Variants in METTL8 observed in about 807,000 individuals in gnomAD.
METTL8 encodes the protein methyltransferase 8, tRNA N3-cytidine, also known as tRNA N(3)-cytidine methyltransferase METTL8, mitochondrial.
In METTL8, 32 loss-of-function variants were observed where a neutral mutation model predicts 48.7. The ratio of observed to expected loss-of-function variants is 0.66; its 90% CI spans 0.50 to 0.88. The LOEUF (loss-of-function observed/expected upper bound fraction) is 0.88. Ranked by LOEUF, METTL8 falls within the 40% of genes least tolerant of loss-of-function variation. The pLI is 0.00. For missense variants in METTL8, 464 were observed against 474.4 expected, an observed-to-expected ratio of 0.98 and a Z score of 0.20; for synonymous variants, 136 against 157.1, an observed-to-expected ratio of 0.87 and a Z score of 1.01.
At chr2:171,324,801 C>G (rs1158548422) in intron 9 of METTL8, among the ~76,000 whole-genome samples, 1 of 152,166 alleles carries the variant, frequency 6.6e-6, no homozygotes, top group Non-Finnish European at 1.5e-5. Flanking sequence ...GTGGCTCACG[C>G]CTGTAATCCC....
chr2:171,363,496 A>C (rs925706059), intron 2 of METTL8, among the ~76,000 whole-genome samples: 3 of 152,018 alleles, frequency 2.0e-5, no homozygotes, highest in African/African-American at 7.2e-5. Flanking sequence ...CAAAGGAAAA[A>C]AGTGGTTTAT....
chr2:171,398,556 C>T (rs138301189), intron 1 of METTL8, among the ~76,000 whole-genome samples: 5 of 151,902 alleles, frequency 3.3e-5, no homozygotes, highest in South Asian at 2.1e-4. Context: ...CGAGAGGAAA[C>T]GGGGAGACGT....
At chr2:171,380,048 C>T (rs542432062) in intron 2 of METTL8, among the ~76,000 whole-genome samples, 1 of 152,272 alleles carries the variant, frequency 6.6e-6, no homozygotes, top group Admixed American at 6.5e-5. Flanking sequence ...AAAGCTTATC[C>T]ACCAATCAAC....
At chr2:171,357,008 G>C (rs1559102120) in intron 3 of METTL8, among the ~76,000 whole-genome samples, 1 of 123,426 alleles carries the variant, frequency 8.1e-6, no homozygotes, top group Non-Finnish European at 1.6e-5. Flanking sequence ...CTGCAGTGCA[G>C]TGGTGCAAAA....
chr2:171,419,059 A>G (rs10202883), intron 1 of METTL8, among the ~76,000 whole-genome samples: 8,502 of 150,696 alleles, frequency 0.056, 266 homozygotes, highest in African/African-American at 0.073. Context: ...TGGCTCCTAT[A>G]TTCCTTTTGA....
intron 2 of METTL8, 90 bp downstream of exon 2, chr2:171,391,953 T>C: frequency 7.3e-7 from 1 of 1,362,584 alleles, no homozygotes; most frequent in Non-Finnish European, 9.9e-7. Flanking sequence ...TCATCAGCTT[T>C]AAAAACCCTT....
intron 1 of METTL8, among the ~76,000 whole-genome samples, chr2:171,393,307 C>T (rs1310886352): frequency 6.7e-6 from 1 of 148,974 alleles, no homozygotes; most frequent in Non-Finnish European, 1.5e-5. Context: ...GTTCCAGCTA[C>T]ACGAGAGGCC....
At chr2:171,350,323 C>T (rs937769510) in intron 3 of METTL8, among the ~76,000 whole-genome samples, 5 of 152,124 alleles carry the variant, frequency 3.3e-5, no homozygotes, top group East Asian at 3.8e-4. Flanking sequence ...TAGTATTCCA[C>T]GGTGTATATG....
chr2:171,342,787 T>C (rs1255744804), intron 3 of METTL8, among the ~76,000 whole-genome samples: 1 of 152,188 alleles, frequency 6.6e-6, no homozygotes, highest in Non-Finnish European at 1.5e-5. Context: ...AACTAGAATG[T>C]ACTGTAATAC....
rs1178006 is a variant in METTL8 at position 171,392,950 on chromosome 2, A to G, written c.-12-753T>C. ...CATCTTTACTAAAAATACAAAAAAA[A>G]AAAAAATTATCCAGGAGTGATGTGA... On this transcript the variant is annotated intron_variant, in intron 1 of 9. Transcript: ENST00000375258. 3.1e-3 allele frequency among the ~76,000 whole-genome samples: 473 copies of G among 151,698 alleles called. 4 individuals carry two copies. Among genetic ancestry groups the G allele is most frequent in the African/African-American group, 0.011 (463 of 41,332 alleles).
At chr2:171,357,218 CA>C (rs942863970) in intron 3 of METTL8, among the ~76,000 whole-genome samples, 1 of 152,076 alleles carries the variant, frequency 6.6e-6, no homozygotes, top group African/African-American at 2.4e-5. Flanking sequence ...CCTGGCCCCC[CA>C]AAGTTCTGGG....
chr2:171,386,068 T>C (rs556747701), intron 2 of METTL8, among the ~76,000 whole-genome samples: 1 of 152,300 alleles, frequency 6.6e-6, no homozygotes, highest in Non-Finnish European at 1.5e-5. Flanking sequence ...CCCGTGTGTT[T>C]GAGGAGTGCT....
chr2:171,398,138 C>G (rs751033433), intron 1 of METTL8, among the ~76,000 whole-genome samples: 49 of 152,166 alleles, frequency 3.2e-4, no homozygotes, highest in Non-Finnish European at 1.2e-4. Flanking sequence ...AATTCTACTT[C>G]TGGGTATATA....
chr2:171,358,148 C>CA (rs1360122535), intron 3 of METTL8, among the ~76,000 whole-genome samples: 1 of 151,984 alleles, frequency 6.6e-6, no homozygotes, highest in East Asian at 1.9e-4. Flanking sequence ...GTCAAGAGTT[C>CA]AAGACCAGCT....
At chr2:171,430,641 C>T (rs1040743008) in intron 1 of METTL8, among the ~76,000 whole-genome samples, 2 of 152,214 alleles carry the variant, frequency 1.3e-5, no homozygotes, top group Admixed American at 1.3e-4. Flanking sequence ...ACTCTGGCAG[C>T]AGTATGGAGG....
rs1688695221 is a variant in METTL8, at chr2:171,392,808, C to A, written c.-12-611G>T. 2.0e-5 allele frequency among the ~76,000 whole-genome samples: 3 copies of A among 151,980 alleles called. No homozygotes were observed. The South Asian group carries it at 6.2e-4, about 32-fold the overall frequency. ...AAAATAGATTTTCCTGAACAAAATGCATGCTTTGCCAGGCATGGTGGCTCA... is the reference window on the plus strand; with the variant it reads ...AAAATAGATTTTCCTGAACAAAATGAATGCTTTGCCAGGCATGGTGGCTCA... On this transcript the variant is annotated intron_variant, in intron 1 of 9. Transcript: ENST00000375258.
chr2:171,364,092 C>T (rs1053748946), intron 2 of METTL8, among the ~76,000 whole-genome samples: 10 of 151,772 alleles, frequency 6.6e-5, no homozygotes, highest in African/African-American at 1.9e-4. Context: ...GGATTACAAG[C>T]GCGAGCCACT....
intron 5 of METTL8, among the ~76,000 whole-genome samples, chr2:171,336,062 G>A (rs1686051416): frequency 6.6e-6 from 1 of 151,966 alleles, no homozygotes; most frequent in Admixed American, 6.6e-5. Flanking sequence ...CAGGAAGGGT[G>A]AGCCTGGAGC....
At chr2:171,400,802 CTAGA>C (rs1689567904) in intron 1 of METTL8, among the ~76,000 whole-genome samples, 1 of 152,068 alleles carries the variant, frequency 6.6e-6, no homozygotes, top group Non-Finnish European at 1.5e-5. Flanking sequence ...TTTAATACTA[CTAGA>C]GGAACACCAA....
Sources: allele counts gnomAD v4.1 joint callset (sites outside exome capture counted in the v4.1 genomes callset), GRCh38; gene constraint gnomAD v4.1.1; transcripts MANE v1.5; gene names NCBI Gene and HGNC (gene_info 2026-07-23, HGNC 2026-07-21).